Variants in NT5C2 observed in about 807,000 individuals in gnomAD.
The protein encoded by NT5C2 is cytosolic purine 5'-nucleotidase.
A neutral mutation model predicts 76.1 loss-of-function variants in NT5C2; 58 were observed. The ratio of observed to expected loss-of-function variants is 0.76; its 90% CI spans 0.62 to 0.95. The LOEUF (loss-of-function observed/expected upper bound fraction) is 0.95. Among genes scored for constraint, NT5C2 ranks in the 40% least tolerant of loss-of-function variants. The pLI, the probability that NT5C2 is intolerant of heterozygous loss-of-function variation, is 0.00. For missense variants in NT5C2, 478 were observed against 690.3 expected (o/e 0.69, Z 3.45); for synonymous variants, 229 against 237.4 (o/e 0.96, Z 0.32).
intron 3 of NT5C2, among the ~76,000 whole-genome samples, chr10:103,149,576 T>A (rs1432470676): frequency 1.3e-5 from 2 of 152,174 alleles, no homozygotes; most frequent in Non-Finnish European, 2.9e-5. Flanking sequence ...GCTTTTCCAA[T>A]CCCTTTTTTC....
chr10:103,165,774 C>A (rs889877047), intron 3 of NT5C2, among the ~76,000 whole-genome samples: 2 of 146,822 alleles, frequency 1.4e-5, no homozygotes, highest in African/African-American at 5.0e-5. Flanking sequence ...CAGGTTCAAG[C>A]GATTCTCCTG....
chr10:103,140,455 A>C (rs762762566), intron 3 of NT5C2, among the ~76,000 whole-genome samples: 1 of 152,136 alleles, frequency 6.6e-6, no homozygotes, highest in African/African-American at 2.4e-5. Context: ...CCATCAACAG[A>C]TATCTTTTTT....
intron 2 of NT5C2, chr10:103,175,963 CCT>C (rs1300175467): frequency 4.9e-5 from 8 of 162,626 alleles, no homozygotes; most frequent in Admixed American, 6.3e-5. Context: ...TGCTGCTACC[CCT>C]GAGAGCCAGG....
intron 11 of NT5C2, among the ~76,000 whole-genome samples, chr10:103,096,845 C>CAAAAAAAAAAAAAA (rs71019656): frequency 3.2e-5 from 1 of 31,372 alleles, no homozygotes; most frequent in African/African-American, 1.2e-4. Context: ...GACTCTGTCT[C>CAAAAAAAAAAAAAA]AAAAAAAAAA....
intron 3 of NT5C2, among the ~76,000 whole-genome samples, chr10:103,163,474 A>G (rs1301818208): frequency 1.3e-5 from 2 of 152,316 alleles, no homozygotes; most frequent in East Asian, 1.9e-4. Context: ...TAGCTATTGT[A>G]ACAGGCATAT....
At chr10:103,128,944 G>A (rs1371639003) in intron 4 of NT5C2, among the ~76,000 whole-genome samples, 3 of 106,740 alleles carry the variant, frequency 2.8e-5, no homozygotes, top group African/African-American at 1.0e-4. Context: ...GAGCATCTCC[G>A]CCCGGCAGCC....
intron 15 of NT5C2, among the ~76,000 whole-genome samples, chr10:103,092,534 G>A (rs114767487): frequency 2.6e-4 from 39 of 152,294 alleles, no homozygotes; most frequent in Middle Eastern, 3.4e-3. Context: ...CTGAGTTTCC[G>A]GAGTCACCTT....
At chr10:103,180,208 A>G (rs1316596752) in intron 2 of NT5C2, among the ~76,000 whole-genome samples, 1 of 152,240 alleles carries the variant, frequency 6.6e-6, no homozygotes, top group African/African-American at 2.4e-5. Flanking sequence ...ATAAGATACC[A>G]AAATATGCCT....
At chr10:103,134,735 A>C (rs1460867203) in intron 4 of NT5C2, among the ~76,000 whole-genome samples, 4 of 152,212 alleles carry the variant, frequency 2.6e-5, no homozygotes, top group African/African-American at 7.2e-5. Flanking sequence ...GCACCTGGAA[A>C]AGCCACAGAC....
intron 6 of NT5C2, among the ~76,000 whole-genome samples, chr10:103,105,082 T>G (rs2070869059): frequency 6.6e-6 from 1 of 152,200 alleles, no homozygotes; most frequent in South Asian, 2.1e-4. Flanking sequence ...AGATACTAAA[T>G]TTCATCTGCT....
chr10:103,152,739 G>C lies in NT5C2; in HGVS notation c.102-13260C>G, dbSNP rs1402038069. ...TATAGTGGTCACAAAAAGAGAATCA[G>C]TAATAATTCAGACTCTGAAGCATAA... On this transcript the variant is annotated intron_variant, in intron 3 of 18. Transcript: ENST00000404739. Among the ~76,000 whole-genome samples the C allele has an allele frequency of 2.0e-5, 3 of 152,060 alleles. No individual in the cohort carries two copies. In the East Asian group the frequency reaches 5.8e-4, roughly 29 times the overall value.
chr10:103,140,562 A>G (rs1565154768), intron 3 of NT5C2, among the ~76,000 whole-genome samples: 1 of 152,194 alleles, frequency 6.6e-6, no homozygotes, highest in Non-Finnish European at 1.5e-5. Context: ...ATACAACTAG[A>G]AGAACTGCTG....
chr10:103,115,269 G>C (rs569273469), intron 4 of NT5C2, among the ~76,000 whole-genome samples: 4 of 152,318 alleles, frequency 2.6e-5, no homozygotes, highest in East Asian at 1.9e-4. Context: ...GGGCATGGCA[G>C]TGTGCATCTG....
intron 3 of NT5C2, among the ~76,000 whole-genome samples, chr10:103,173,135 C>T (rs908282061): frequency 6.6e-6 from 1 of 152,054 alleles, no homozygotes; most frequent in Non-Finnish European, 1.5e-5. Flanking sequence ...AGATGCGAGC[C>T]ACCATGCCTG....
At chr10:103,157,053 T>C (rs1382216089) in intron 3 of NT5C2, among the ~76,000 whole-genome samples, 1 of 149,794 alleles carries the variant, frequency 6.7e-6, no homozygotes, top group Non-Finnish European at 1.5e-5. Context: ...TAAATGTATA[T>C]TACTCTTATA....
chr10:103,129,487 C>A (rs1466718366), intron 4 of NT5C2, among the ~76,000 whole-genome samples: 7 of 117,066 alleles, frequency 6.0e-5, no homozygotes, highest in Admixed American at 8.0e-5. Context: ...GGGGGTCAGC[C>A]CCCCCACCCG....
At position 103,174,864 on chromosome 10, in the gene NT5C2, T is replaced by C; in HGVS notation, c.95A>G (p.Tyr32Cys). The C allele has an allele frequency of 6.2e-7, 1 of 1,608,516 alleles. No homozygotes were observed. Among genetic ancestry groups the C allele is most frequent in the Non-Finnish European group, 8.5e-7 (1 of 1,175,234 alleles). ...AAATAGACAAAATACTTACCGATGA[T>C]AGGCTTCTCGACGATACTTTTTCAG... is the stretch of plus-strand genomic sequence containing the variant. ...HALKKYRREA[Y>C]HRVFVNRSLA... Residue 32 changes from tyrosine (Y) to cysteine (C), a missense_variant, in exon 3 of 19, where the codon TAT becomes TGT. Physicochemically the swap from Tyr to Cys is radical, Grantham distance 194. Coordinates refer to ENST00000404739, the MANE Select transcript of NT5C2 (RefSeq NM_001351169.2).
At chr10:103,137,540 A>C (rs928073655) in intron 4 of NT5C2, among the ~76,000 whole-genome samples, 1 of 152,236 alleles carries the variant, frequency 6.6e-6, no homozygotes, top group Non-Finnish European at 1.5e-5. Context: ...CCTAAATCGA[A>C]CATCAAACTG....
chr10:103,098,791 C>G, intron 10 of NT5C2, 140 bp downstream of exon 10: 1 of 634,252 alleles, frequency 1.6e-6, no homozygotes, highest in East Asian at 2.8e-5. Context: ...GCTGAATATT[C>G]TTGGTGATTA....
Sources: gnomAD v4.1 joint callset for allele counts (sites outside exome capture counted in the v4.1 genomes callset) on GRCh38, gnomAD v4.1.1 for gene constraint, MANE v1.5 for transcripts, NCBI Gene and HGNC (gene_info 2026-07-23, HGNC 2026-07-21) for gene names.